The following LPP variants were observed in gnomAD, a reference collection of about 807,000 sequenced individuals.
LPP encodes the protein LIM domain containing preferred translocation partner in lipoma.
In LPP, 38 loss-of-function variants were observed where a neutral mutation model predicts 60.4. That is an observed-to-expected ratio of 0.63 (90% confidence interval 0.49 to 0.83). The LOEUF (loss-of-function observed/expected upper bound fraction) is 0.83, where lower values mean the gene tolerates loss of function less well. Ranked by LOEUF, LPP falls within the 40% of genes least tolerant of loss-of-function variation. The probability of loss-of-function intolerance (pLI) is 0.00; values close to 1 mark genes in which losing one functional copy is unlikely to be tolerated. For missense variants in LPP, 902 were observed against 783.6 expected, an observed-to-expected ratio of 1.15 and a Z score of -1.80; for synonymous variants, 328 against 290.8, an observed-to-expected ratio of 1.13 and a Z score of -1.30.
chr3:188,566,184 C>A (rs1832098784), intron 6 of LPP, among the ~76,000 whole-genome samples: 2 of 151,898 alleles, frequency 1.3e-5, no homozygotes, highest in Non-Finnish European at 2.9e-5. Flanking sequence ...TCTTCCCTTG[C>A]ACGATTACAA....
chr3:188,596,554 T>C (rs748982321), intron 6 of LPP, among the ~76,000 whole-genome samples: 55 of 152,204 alleles, frequency 3.6e-4, no homozygotes, highest in South Asian at 6.2e-4. Flanking sequence ...GTGTAACTGA[T>C]ACACATTCAA....
chr3:188,184,936 C>A (rs1308300026), intron 1 of LPP, among the ~76,000 whole-genome samples: 1 of 151,964 alleles, frequency 6.6e-6, no homozygotes, highest in Non-Finnish European at 1.5e-5. Flanking sequence ...GAGATGGTGA[C>A]AGGGTCTTGG....
chr3:188,281,119 T>C (rs568106651), intron 2 of LPP, among the ~76,000 whole-genome samples: 4 of 152,194 alleles, frequency 2.6e-5, no homozygotes, highest in Admixed American at 6.5e-5. Context: ...ATAATGCATG[T>C]GAAGAGCTTA....
rs1308646011 is a variant in LPP, at chr3:188,582,912, G to A, written c.430-26249G>A. On this transcript the variant is annotated intron_variant, in intron 6 of 11. Coordinates refer to ENST00000617246, the MANE Select transcript of LPP (RefSeq NM_001375462.1). Reference sequence around the variant, plus strand: ...CTTCTCCTCATTTCTGCTGCGGTACGTGATTTCAGATCAGCATCATCTTTC... The same window carrying A: ...CTTCTCCTCATTTCTGCTGCGGTACATGATTTCAGATCAGCATCATCTTTC... 2.2e-4 allele frequency among the ~76,000 whole-genome samples: 34 copies of A among 152,070 alleles called. 1 individual carries two copies. The highest frequency in any genetic ancestry group is 6.4e-3 in the Middle Eastern group (2 of 314).
chr3:188,720,695 A>T (rs1716008133), intron 8 of LPP, among the ~76,000 whole-genome samples: 1 of 151,682 alleles, frequency 6.6e-6, no homozygotes, highest in African/African-American at 2.4e-5. Context: ...CTCTGATGTT[A>T]GTCATGTTGT....
intron 2 of LPP, among the ~76,000 whole-genome samples, chr3:188,286,855 C>T (rs989662414): frequency 5.9e-5 from 9 of 152,066 alleles, no homozygotes; most frequent in Non-Finnish European, 8.8e-5. Flanking sequence ...TAAGAGGAGA[C>T]CATGTAAGAC....
rs1264136673 is a variant in LPP, at chr3:188,509,486, A to C, written c.307-15179A>C. 2.9e-4 allele frequency among the ~76,000 whole-genome samples: 44 copies of C among 152,174 alleles called. 1 individual carries two copies. The highest frequency in any genetic ancestry group is 2.9e-3 in the Admixed American group (44 of 15,274). ...GTGGGATTCTTTTTGGCACTGACAG[A>C]GTTTGCAGTTGACAGTAGAGACTGT... is the stretch of plus-strand genomic sequence containing the variant. On this transcript the variant is annotated intron_variant, in intron 5 of 11. Coordinates refer to ENST00000617246, the MANE Select transcript of LPP (RefSeq NM_001375462.1).
At chr3:188,535,710 A>G (rs1237993598) in intron 6 of LPP, among the ~76,000 whole-genome samples, 1 of 152,190 alleles carries the variant, frequency 6.6e-6, no homozygotes, top group Non-Finnish European at 1.5e-5. Flanking sequence ...ACTTGATGAC[A>G]ATGTATTTTG....
chr3:188,600,930 A>G (rs1841034419), intron 6 of LPP, among the ~76,000 whole-genome samples: 1 of 152,098 alleles, frequency 6.6e-6, no homozygotes, highest in Non-Finnish European at 1.5e-5. Flanking sequence ...GTGTGTATAT[A>G]TATGTATAGA....
intron 1 of LPP, among the ~76,000 whole-genome samples, chr3:188,203,130 A>G (rs967582050): frequency 7.1e-6 from 1 of 140,402 alleles, no homozygotes; most frequent in Admixed American, 7.5e-5. Context: ...TAAAATGTAT[A>G]TTATATTATA....
chr3:188,488,811 G>GT (rs1807418776), intron 5 of LPP, among the ~76,000 whole-genome samples: 1 of 151,788 alleles, frequency 6.6e-6, no homozygotes, highest in Non-Finnish European at 1.5e-5. Flanking sequence ...TAATTTTTTT[G>GT]TATTTTCGGT....
intron 2 of LPP, among the ~76,000 whole-genome samples, chr3:188,294,977 T>C (rs1747367551): frequency 6.6e-6 from 1 of 152,184 alleles, no homozygotes; most frequent in Non-Finnish European, 1.5e-5. Context: ...TACTCTTGTT[T>C]TGTGTTTGAG....
intron 6 of LPP, among the ~76,000 whole-genome samples, chr3:188,545,269 T>C: frequency 1.4e-5 from 1 of 69,550 alleles, no homozygotes; most frequent in East Asian, 1.5e-3. Flanking sequence ...AAAAAAAACA[T>C]TAAAAAAAAA....
intron 7 of LPP, among the ~76,000 whole-genome samples, chr3:188,611,833 C>T (rs1185767604): frequency 3.3e-5 from 5 of 152,190 alleles, no homozygotes; most frequent in Non-Finnish European, 5.9e-5. Context: ...CTCTCTTCAG[C>T]ATTTGGAACC....
intron 5 of LPP, among the ~76,000 whole-genome samples, chr3:188,496,373 C>T (rs1029759709): frequency 3.9e-5 from 6 of 152,186 alleles, no homozygotes; most frequent in Non-Finnish European, 8.8e-5. Context: ...GTGATCTGCC[C>T]ACCTCAGCCT....
At chr3:188,336,216 G>A (rs1761583166) in intron 2 of LPP, among the ~76,000 whole-genome samples, 1 of 152,290 alleles carries the variant, frequency 6.6e-6, no homozygotes, top group South Asian at 2.1e-4. Context: ...AGTTCTAGGT[G>A]CAGGTGCTTG....
chr3:188,773,644 C>T (rs1190155573), intron 9 of LPP, among the ~76,000 whole-genome samples: 1 of 152,128 alleles, frequency 6.6e-6, no homozygotes, highest in Non-Finnish European at 1.5e-5. Flanking sequence ...TAATAAAGCT[C>T]ATGGGACGTG....
chr3:188,212,668 C>G (rs1711720660), intron 1 of LPP: 1 of 138,400 alleles, frequency 7.2e-6, no homozygotes. Context: ...CTTCCCCCTT[C>G]ATTCCTCTGT....
At position 188,740,708 on chromosome 3, in the gene LPP, G is replaced by T. The variant is rs572468441; in HGVS notation, c.1241-19405G>T. Among the ~76,000 whole-genome samples the T allele has an allele frequency of 3.3e-5, 5 of 152,060 alleles. No individual in the cohort carries two copies. In the East Asian group the frequency reaches 9.7e-4, roughly 29 times the overall value. On this transcript the variant is annotated intron_variant, in intron 8 of 11. Transcript: ENST00000617246. Reference sequence around the variant, plus strand: ...GTTAAACTTATTTGATGTGTGCTCAGCAGGTTGTAAAATTCCTATCTTTCT... The same window carrying T: ...GTTAAACTTATTTGATGTGTGCTCATCAGGTTGTAAAATTCCTATCTTTCT...
Sources: allele counts gnomAD v4.1 joint callset (sites outside exome capture counted in the v4.1 genomes callset), GRCh38; gene constraint gnomAD v4.1.1; transcripts MANE v1.5; gene names NCBI Gene and HGNC (gene_info 2026-07-23, HGNC 2026-07-21).